Variants in ABCC3 observed in about 807,000 individuals in gnomAD.
ABCC3 encodes the protein ATP binding cassette subfamily C member 3, also known as ATP-binding cassette sub-family C member 3.
Under a neutral mutation model 165.3 loss-of-function variants are expected in ABCC3, and 121 were observed. The ratio of observed to expected loss-of-function variants is 0.73; its 90% CI spans 0.63 to 0.85. The LOEUF is 0.85. Among genes scored for constraint, ABCC3 ranks in the 40% least tolerant of loss-of-function variants. The pLI is 0.00. For missense variants in ABCC3, 1,869 were observed against 1,964.1 expected (o/e 0.95, Z 0.92); for synonymous variants, 733 against 810.1 (o/e 0.90, Z 1.62).
In ABCC3 at chr17:50,687,696, G is replaced by A. The variant is rs539211035; in HGVS notation, c.4441G>A (p.Ala1481Thr). 42 of 1,614,154 alleles carry A rather than the reference G, an allele frequency of 2.6e-5. No homozygotes were observed. In the East Asian group the frequency reaches 3.3e-4, roughly 13 times the overall value. ...TGATACCTGCACTGTCCTGACCATC[G>A]CACACCGGCTTAACACTATCATGGA... is the stretch of plus-strand genomic sequence containing the variant. ...QFDTCTVLTIAHRLNTIMDYT... is the reference protein window; with the variant it reads ...QFDTCTVLTITHRLNTIMDYT... The change falls in exon 30 of 31, where the codon GCA becomes ACA. Residue 1481 changes from alanine (A) to threonine (T), a missense_variant. Physicochemically the swap from Ala to Thr is moderately conservative, Grantham distance 58. Coordinates refer to ENST00000285238, the MANE Select transcript of ABCC3 (RefSeq NM_003786.4).
Position 50,659,246 on chromosome 17 carries a change from C to A in ABCC3, c.684C>A (p.Ile228=). ...LFFWWFTKMA[I]YGYRHPLEEK... ...CTTCACCTCCCCCCAGGATGGCCAT[C>A]TATGGCTACCGGCATCCCCTGGAGG... Residue 228 remains isoleucine, a synonymous_variant, in exon 7 of 31, where the codon ATC becomes ATA. Transcript: ENST00000285238. 2 of 1,613,814 alleles carry A rather than the reference C, an allele frequency of 1.2e-6. No individual in the cohort carries two copies. Among genetic ancestry groups the A allele is most frequent in the South Asian group, 2.2e-5 (2 of 91,070 alleles).
At chr17:50,661,798 TGTTC>T (rs1460005988) in intron 8 of ABCC3, among the ~76,000 whole-genome samples, 36 of 152,022 alleles carry the variant, frequency 2.4e-4, no homozygotes, top group Admixed American at 7.2e-4. Context: ...GGGGCAGAAG[TGTTC>T]TCGGGTGTCT....
rs1386390050 is a variant in ABCC3, at chr17:50,657,182, A to G, written c.485A>G (p.Glu162Gly). ...FRSKILLAKA[E>G]GEISDPFRFT... Reference sequence around the variant, plus strand: ...TCCAAGATCCTTTTAGCCAAGGCAGAGGTAAGGTTGGGGGAGAGGGGAACC... The same window carrying G: ...TCCAAGATCCTTTTAGCCAAGGCAGGGGTAAGGTTGGGGGAGAGGGGAACC... Residue 162 changes from glutamate to glycine, a missense_variant and splice_region_variant, in exon 4 of 31, where the codon GAG (glutamate) becomes GGG (glycine). By Grantham distance (98) the Glu-to-Gly change is moderately conservative. Transcript: ENST00000285238. 1.9e-6 allele frequency: 3 copies of G among 1,613,598 alleles called. No homozygotes were observed. Among genetic ancestry groups the G allele is most frequent in the Non-Finnish European group, 2.5e-6 (3 of 1,179,782 alleles).
chr17:50,640,775 G>A (rs542348511), intron 1 of ABCC3, among the ~76,000 whole-genome samples: 96 of 152,192 alleles, frequency 6.3e-4, no homozygotes, highest in South Asian at 5.4e-3. Context: ...CACCCTCCTC[G>A]GCCTCCCAAA....
At chr17:50,669,295 G>T (rs1967592727) in intron 16 of ABCC3, 29 bp downstream of exon 16, 1 of 1,614,046 alleles carries the variant, frequency 6.2e-7, no homozygotes, top group African/African-American at 1.3e-5. Flanking sequence ...CCTGGGCAGG[G>T]TGTGGGGCTC....
At position 50,656,160 on chromosome 17, in the gene ABCC3, A is replaced by G. The variant is rs12103933; in HGVS notation, c.222+152A>G. The G allele has an allele frequency of 5.9e-3, 3,423 of 584,524 alleles. 97 individuals carry two copies. In the African/African-American group the frequency reaches 0.061, roughly 10 times the overall value. The allele number at this position is 584,524 out of a possible 1,614,324, so 36.2% of individuals were successfully genotyped here. A position where few individuals can be genotyped will look rare whatever the true frequency, so the allele number is the denominator to read the frequency against. ...GAGTGCAGTGGCATGATCTTGGCTC[A>G]CTGCAACCTCTGCCTTCTGGGTTCA... is the stretch of plus-strand genomic sequence containing the variant. On this transcript the variant is annotated intron_variant, in intron 2 of 30. Transcript: ENST00000285238.
chr17:50,691,566 A>C lies in ABCC3; in HGVS notation c.*366A>C. On this transcript the variant is annotated 3_prime_UTR_variant, in exon 31 of 31. Coordinates refer to ENST00000285238, the MANE Select transcript of ABCC3 (RefSeq NM_003786.4). ...AAGTTTCGTTTCTGTTTTTTAATAA[A>C]AAGCTTTTTCCTCCTGGAACAGAAG... The C allele has an allele frequency of 4.4e-6, 1 of 225,526 alleles. No individual in the cohort carries two copies. Among genetic ancestry groups the C allele is most frequent in the Non-Finnish European group, 9.0e-6 (1 of 110,942 alleles). The allele number at this position is 225,526 out of a possible 1,614,324, so 14.0% of individuals were successfully genotyped here. A position where few individuals can be genotyped will look rare whatever the true frequency, so the allele number is the denominator to read the frequency against.
At chr17:50,691,068 A>C (rs1161524460) in intron 30 of ABCC3, 24 bp from the exon 31 acceptor site, 2 of 1,588,078 alleles carry the variant, frequency 1.3e-6, no homozygotes, top group East Asian at 4.5e-5. Context: ...TGGAAACCTG[A>C]CCACTTCTCT....
At chr17:50,658,245 G>C (rs143697843) in intron 5 of ABCC3, 38 bp downstream of exon 5, 1 of 1,613,934 alleles carries the variant, frequency 6.2e-7, no homozygotes, top group African/African-American at 1.3e-5. Flanking sequence ...CTCCACAGCT[G>C]AGTCCTCAGC....
intron 1 of ABCC3, among the ~76,000 whole-genome samples, chr17:50,647,845 C>T (rs1485337170): frequency 6.6e-6 from 1 of 152,146 alleles, no homozygotes; most frequent in Non-Finnish European, 1.5e-5. Flanking sequence ...TGAGAACCAG[C>T]CTGGTCAACA....
chr17:50,665,466 T>C (rs1306712756), intron 11 of ABCC3, among the ~76,000 whole-genome samples: 4 of 152,212 alleles, frequency 2.6e-5, no homozygotes, highest in Non-Finnish European at 5.9e-5. Context: ...AGAGAAATAA[T>C]GGCAGTCCAG....
intron 7 of ABCC3, among the ~76,000 whole-genome samples, chr17:50,660,520 G>A (rs1967353547): frequency 6.6e-6 from 1 of 152,082 alleles, no homozygotes; most frequent in Non-Finnish European, 1.5e-5. Flanking sequence ...TGGGCCCCCA[G>A]TCTGCCTGCT....
rs563663362 is a variant in ABCC3 at position 50,656,949 on chromosome 17, G to A, written c.349-97G>A. On this transcript the variant is annotated intron_variant, in intron 3 of 30. Transcript: ENST00000285238. Reference sequence around the variant, plus strand: ...TATTGGGAATGGGAAGAAGAAGGGGGTGGCCCCAGAAACTTCTGGCCATGT... The same window carrying A: ...TATTGGGAATGGGAAGAAGAAGGGGATGGCCCCAGAAACTTCTGGCCATGT... The A allele has an allele frequency of 4.6e-5, 71 of 1,551,910 alleles. 2 individuals carry two copies. In the South Asian group the frequency reaches 8.6e-4, roughly 19 times the overall value.
intron 1 of ABCC3, among the ~76,000 whole-genome samples, chr17:50,644,957 G>A (rs1966973218): frequency 6.6e-6 from 1 of 152,164 alleles, no homozygotes; most frequent in Non-Finnish European, 1.5e-5. Flanking sequence ...GGCGGAGCTT[G>A]CAGTGAGCCG....
In ABCC3 at chr17:50,673,501, C is replaced by T; in HGVS notation, c.2442C>T (p.Phe814=). The T allele has an allele frequency of 1.2e-6, 2 of 1,614,148 alleles. No homozygotes were observed. The highest frequency in any genetic ancestry group is 8.5e-7 in the Non-Finnish European group (1 of 1,180,026). ...TRVLVTHGIS[F]LPQTDFIIVL... is the part of the protein sequence containing the mutation. ...TGCTGGTGACGCACGGCATTAGCTTCCTGCCCCAGACAGACTTCATCATTG... is the reference window on the plus strand; with the variant it reads ...TGCTGGTGACGCACGGCATTAGCTTTCTGCCCCAGACAGACTTCATCATTG... The change falls in exon 19 of 31, where the codon TTC becomes TTT. Residue 814 remains phenylalanine (F), a synonymous_variant. Coordinates refer to ENST00000285238, the MANE Select transcript of ABCC3 (RefSeq NM_003786.4).
At chr17:50,665,005 C>A in intron 10 of ABCC3, 148 bp from the exon 11 acceptor site, 1 of 662,082 alleles carries the variant, frequency 1.5e-6, no homozygotes, top group South Asian at 1.8e-5. Flanking sequence ...GTCATTCTGA[C>A]TTTCTATCTG....
intron 11 of ABCC3, among the ~76,000 whole-genome samples, chr17:50,667,203 A>G (rs1004803003): frequency 1.6e-4 from 25 of 152,192 alleles, no homozygotes; most frequent in African/African-American, 5.8e-4. Context: ...CCTGGGCAAC[A>G]CAGTGAGGCA....
intron 13 of ABCC3, 76 bp downstream of exon 13, chr17:50,668,085 A>G: frequency 7.7e-7 from 1 of 1,291,426 alleles, no homozygotes; most frequent in South Asian, 1.3e-5. Flanking sequence ...CACTTAGGGC[A>G]AGGGATAATC....
Position 50,668,756 on chromosome 17 carries a change from C to G in ABCC3, c.1871-97C>G. On this transcript the variant is annotated intron_variant, in intron 14 of 30. Transcript: ENST00000285238. ...GGATCCCCTCCCCATGGCCCAGGCT[C>G]CTCCCCTGTCCTCCTTTCCCCTGCC... The G allele has an allele frequency of 2.9e-6, 3 of 1,022,552 alleles. No individual in the cohort carries two copies. In the South Asian group the frequency reaches 4.1e-5, roughly 14 times the overall value. 63.3% of individuals were successfully genotyped at this position (1,022,552 alleles called of 1,614,324 possible).
Sources: gnomAD v4.1 joint callset for allele counts (sites outside exome capture counted in the v4.1 genomes callset) on GRCh38, gnomAD v4.1.1 for gene constraint, MANE v1.5 for transcripts, NCBI Gene and HGNC (gene_info 2026-07-23, HGNC 2026-07-21) for gene names.